MCTP2: variants seen among roughly 807,000 people sequenced by gnomAD.
MCTP2 encodes the protein multiple C2 and transmembrane domain containing 2, also known as multiple C2 and transmembrane domain-containing protein 2.
MCTP2 carries 132 observed loss-of-function variants against 111.6 expected under a neutral mutation model. The ratio of observed to expected loss-of-function variants is 1.18; its 90% CI spans 1.03 to 1.37. The LOEUF (loss-of-function observed/expected upper bound fraction) is 1.37, where lower values mean the gene tolerates loss of function less well. Among genes scored for constraint, MCTP2 ranks in the 40% most tolerant of loss-of-function variants. The probability of loss-of-function intolerance (pLI) is 0.00; values close to 1 mark genes in which losing one functional copy is unlikely to be tolerated. For missense variants in MCTP2, 1,183 were observed against 1,067.9 expected (o/e 1.11, Z -1.50); for synonymous variants, 395 against 387.7 (o/e 1.02, Z -0.22).
intron 12 of MCTP2, among the ~76,000 whole-genome samples, chr15:94,374,177 A>G (rs2079630776): frequency 6.6e-6 from 1 of 152,230 alleles, no homozygotes; most frequent in Non-Finnish European, 1.5e-5. Context: ...ATAAATTAAT[A>G]CTGTCGAAAG....
intron 2 of MCTP2, among the ~76,000 whole-genome samples, chr15:94,305,420 GA>G (rs1257182952): frequency 6.6e-6 from 1 of 152,160 alleles, no homozygotes; most frequent in Non-Finnish European, 1.5e-5. Context: ...GGCTAAAGAG[GA>G]GGTAAGAGCA....
chr15:94,400,610 T>A (rs2081529829), intron 16 of MCTP2, among the ~76,000 whole-genome samples: 1 of 151,900 alleles, frequency 6.6e-6, no homozygotes, highest in Non-Finnish European at 1.5e-5. Context: ...ACTTTTTTTT[T>A]TTTTTTTTTC....
intron 1 of MCTP2, among the ~76,000 whole-genome samples, chr15:94,277,528 G>C (rs1206341270): frequency 6.6e-6 from 1 of 152,236 alleles, no homozygotes; most frequent in African/African-American, 2.4e-5. Flanking sequence ...AGGCATGGAG[G>C]AACCTTAAAT....
chr15:94,299,618 A>AT (rs2075503078), intron 2 of MCTP2, among the ~76,000 whole-genome samples: 1 of 152,224 alleles, frequency 6.6e-6, no homozygotes, highest in African/African-American at 2.4e-5. Flanking sequence ...CCAAATCATG[A>AT]TTTAAGTGAC....
chr15:94,323,954 A>C (rs2076736708), intron 4 of MCTP2, among the ~76,000 whole-genome samples: 1 of 152,084 alleles, frequency 6.6e-6, no homozygotes, highest in Non-Finnish European at 1.5e-5. Flanking sequence ...GGGATGTTAT[A>C]CAAGATGTAT....
At chr15:94,389,808 CTT>C (rs369870184) in intron 14 of MCTP2, among the ~76,000 whole-genome samples, 11 of 151,984 alleles carry the variant, frequency 7.2e-5, no homozygotes, top group Middle Eastern at 3.4e-3. Flanking sequence ...TAAACCGTAA[CTT>C]GATTTACACT....
intron 12 of MCTP2, among the ~76,000 whole-genome samples, chr15:94,372,653 G>C (rs9972341): frequency 0.02 from 3,035 of 152,178 alleles, 98 homozygotes; most frequent in African/African-American, 0.069. Flanking sequence ...ATTTTTGTCA[G>C]TGCCAGGAAC....
chr15:94,386,930 T>TA (rs1232271369), intron 14 of MCTP2, among the ~76,000 whole-genome samples: 3 of 152,122 alleles, frequency 2.0e-5, no homozygotes, highest in Non-Finnish European at 2.9e-5. Flanking sequence ...CCCAAACCCT[T>TA]ACCCGATTCT....
intron 4 of MCTP2, among the ~76,000 whole-genome samples, chr15:94,326,473 A>G (rs567725547): frequency 2.0e-5 from 3 of 152,252 alleles, no homozygotes; most frequent in Non-Finnish European, 4.4e-5. Flanking sequence ...AAAATTGCCA[A>G]TTTACTCTTG....
chr15:94,294,940 CCTTTTTT>C (rs2075193424), intron 1 of MCTP2, among the ~76,000 whole-genome samples: 1 of 111,514 alleles, frequency 9.0e-6, no homozygotes, highest in African/African-American at 3.4e-5. Flanking sequence ...CTTTTCTTTT[CCTTTTTT>C]TTTTTTTTTT....
At chr15:94,309,226 A>G (rs1199585654) in intron 2 of MCTP2, among the ~76,000 whole-genome samples, 2 of 152,040 alleles carry the variant, frequency 1.3e-5, no homozygotes, top group Admixed American at 6.5e-5. Flanking sequence ...GAGCCGTCTG[A>G]TTCCTTTTGC....
At position 94,326,826 on chromosome 15, in the gene MCTP2, CCA is replaced by C. The variant is rs1418485584; in HGVS notation, c.637+11190_637+11191del. Among the ~76,000 whole-genome samples, 19 of 107,768 alleles carry C rather than the reference CCA, an allele frequency of 1.8e-4. 2 individuals carry two copies. Among genetic ancestry groups the C allele is most frequent in the East Asian group, 6.1e-4 (2 of 3,268 alleles). The allele number at this position is 107,768 out of a possible 152,430, so 70.7% of individuals were successfully genotyped here. On this transcript the variant is annotated intron_variant, in intron 4 of 22. Transcript: ENST00000357742. ...CAGGTGATCCCCGCCCCACCCCCCC[CCA>C]ACCTCGGCCTCCCAAAGTGCTGGGA...
At position 94,476,649 on chromosome 15, in the gene MCTP2, T is replaced by TAGATAGATAGACAGACAGAC. The variant is rs756773056; in HGVS notation, c.2471-44_2471-43insTAGATAGACAGACAGACAGA. On this transcript the variant is annotated intron_variant, in intron 21 of 22. Coordinates refer to ENST00000357742, the MANE Select transcript of MCTP2 (RefSeq NM_001385001.1). ...ATAGATAGATAGATAGATAGATAGATAGACAGACAGACAGATAAAGAGATC... is the reference window on the plus strand; with the variant it reads ...ATAGATAGATAGATAGATAGATAGATAGATAGATAGACAGACAGACAGACAGACAGACAGATAAAGAGATC... The TAGATAGATAGACAGACAGAC allele has an allele frequency of 9.5e-6, 7 of 736,714 alleles. No homozygotes were observed. The African/African-American group carries it at 1.5e-4, about 16-fold the overall frequency. The allele number at this position is 736,714 out of a possible 1,614,324, so 45.6% of individuals were successfully genotyped here. A position where few individuals can be genotyped will look rare whatever the true frequency, so the allele number is the denominator to read the frequency against.
chr15:94,290,355 A>G (rs2074977615), intron 1 of MCTP2, among the ~76,000 whole-genome samples: 1 of 152,212 alleles, frequency 6.6e-6, no homozygotes, highest in Admixed American at 6.5e-5. Context: ...AATTCTAAAT[A>G]AAATGTGGAA....
At chr15:94,296,004 T>C (rs1413158723) in intron 1 of MCTP2, among the ~76,000 whole-genome samples, 1 of 152,200 alleles carries the variant, frequency 6.6e-6, no homozygotes, top group East Asian at 1.9e-4. Flanking sequence ...TTGTTTTAAT[T>C]TCCACATACA....
intron 10 of MCTP2, among the ~76,000 whole-genome samples, chr15:94,360,326 G>A (rs2078861500): frequency 1.3e-5 from 2 of 152,190 alleles, no homozygotes; most frequent in Non-Finnish European, 2.9e-5. Context: ...TGGCCTGTCG[G>A]ATGACTTCTG....
At chr15:94,369,390 GA>G (rs1293286355) in intron 11 of MCTP2, among the ~76,000 whole-genome samples, 34 of 152,318 alleles carry the variant, frequency 2.2e-4, no homozygotes, top group African/African-American at 7.9e-4. Flanking sequence ...GGCAGGAGAA[GA>G]GAGTTTATCT....
rs148600348 is a variant in MCTP2 at position 94,360,617 on chromosome 15, C to A, written c.1301+2005C>A. Among the ~76,000 whole-genome samples the A allele has an allele frequency of 3.7e-4, 57 of 152,210 alleles. 1 individual carries two copies. The highest frequency in any genetic ancestry group is 1.3e-3 in the African/African-American group (56 of 41,526). On this transcript the variant is annotated intron_variant, in intron 10 of 22. Coordinates refer to ENST00000357742, the MANE Select transcript of MCTP2 (RefSeq NM_001385001.1). ...TTTAGTAGGTGCAAAGAATAATGCCCCTGCATTTCACAAGTCATTGTGCTG... is the reference window on the plus strand; with the variant it reads ...TTTAGTAGGTGCAAAGAATAATGCCACTGCATTTCACAAGTCATTGTGCTG...
chr15:94,437,139 T>G (rs1436922513), intron 17 of MCTP2, among the ~76,000 whole-genome samples: 1 of 137,918 alleles, frequency 7.3e-6, no homozygotes, highest in African/African-American at 2.7e-5. Flanking sequence ...TTTCAAAAAT[T>G]TCACACTTAC....
Sources: gnomAD v4.1 joint callset for allele counts (sites outside exome capture counted in the v4.1 genomes callset) on GRCh38, gnomAD v4.1.1 for gene constraint, MANE v1.5 for transcripts, NCBI Gene and HGNC (gene_info 2026-07-23, HGNC 2026-07-21) for gene names.